Variants in ATP6V1H observed in about 807,000 individuals in gnomAD.
The protein encoded by ATP6V1H is V-type proton ATPase subunit H.
Under a neutral mutation model 71.7 loss-of-function variants are expected in ATP6V1H, and 39 were observed. That is an observed-to-expected ratio of 0.54 (90% confidence interval 0.42 to 0.71). The LOEUF is 0.71. Ranked by LOEUF, ATP6V1H falls within the 30% of genes least tolerant of loss-of-function variation. The pLI is 0.00. For synonymous variants in ATP6V1H, 192 were observed against 199.3 expected, an observed-to-expected ratio of 0.96 and a Z score of 0.31; for missense variants, 509 against 594.9, an observed-to-expected ratio of 0.86 and a Z score of 1.50.
chr8:53,767,429 A>G (rs1304479026), intron 11 of ATP6V1H, among the ~76,000 whole-genome samples: 2 of 152,240 alleles, frequency 1.3e-5, no homozygotes, highest in Non-Finnish European at 2.9e-5. Context: ...AGTAAAGTAT[A>G]TATTAGTAAT....
At chr8:53,788,167 GTTC>G (rs1343113398) in intron 9 of ATP6V1H, among the ~76,000 whole-genome samples, 1 of 152,090 alleles carries the variant, frequency 6.6e-6, no homozygotes, top group African/African-American at 2.4e-5. Flanking sequence ...GTCTAAAGAT[GTTC>G]TTCTTTCTGC....
chr8:53,756,226 A>G (rs1284941064), intron 12 of ATP6V1H: 1 of 152,044 alleles, frequency 6.6e-6, no homozygotes, highest in Non-Finnish European at 1.4e-5. Flanking sequence ...GCGTGCCACC[A>G]TGCCCAGTTA....
chr8:53,793,602 G>A (rs1021067714), intron 9 of ATP6V1H, among the ~76,000 whole-genome samples: 3 of 151,702 alleles, frequency 2.0e-5, no homozygotes, highest in African/African-American at 7.3e-5. Flanking sequence ...CTATGATCAC[G>A]CCACTCCACT....
chr8:53,796,642 C>G (rs1472099635), intron 8 of ATP6V1H, among the ~76,000 whole-genome samples: 1 of 152,022 alleles, frequency 6.6e-6, no homozygotes, highest in Non-Finnish European at 1.5e-5. Context: ...ATGTACAACA[C>G]AAAGAGTGAG....
intron 13 of ATP6V1H, among the ~76,000 whole-genome samples, chr8:53,741,268 A>G (rs964249346): frequency 6.6e-6 from 1 of 152,208 alleles, no homozygotes; most frequent in Non-Finnish European, 1.5e-5. Context: ...ATTCTCAACT[A>G]AAAAATTTCC....
chr8:53,753,685 T>C (rs756765300), intron 12 of ATP6V1H, among the ~76,000 whole-genome samples: 31 of 152,244 alleles, frequency 2.0e-4, no homozygotes, highest in African/African-American at 7.0e-4. Context: ...CTGTTTTTCA[T>C]ATTTAACACA....
chr8:53,822,199 A>G (rs1321273599), intron 4 of ATP6V1H, among the ~76,000 whole-genome samples: 1 of 152,210 alleles, frequency 6.6e-6, no homozygotes, highest in Non-Finnish European at 1.5e-5. Flanking sequence ...TTTAGAGACT[A>G]CTGTACACAT....
chr8:53,770,619 C>G (rs1373692328), intron 10 of ATP6V1H, among the ~76,000 whole-genome samples: 1 of 152,116 alleles, frequency 6.6e-6, no homozygotes, highest in African/African-American at 2.4e-5. Context: ...ATATTCATAT[C>G]CTAATCCTGT....
chr8:53,795,223 A>G (rs1052407305), intron 9 of ATP6V1H, among the ~76,000 whole-genome samples: 3 of 152,218 alleles, frequency 2.0e-5, no homozygotes, highest in Non-Finnish European at 4.4e-5. Context: ...GGATAACTTT[A>G]CTGTTTAAAT....
chr8:53,801,660 A>T (rs1809913206), intron 8 of ATP6V1H, 139 bp downstream of exon 8: 1 of 698,964 alleles, frequency 1.4e-6, no homozygotes, highest in Non-Finnish European at 2.3e-6. Flanking sequence ...ACTAACTTCT[A>T]AAAAGCTTAG....
Position 53,823,837 on chromosome 8 carries a change from T to C in ATP6V1H, c.306+5607A>G, listed in dbSNP as rs577025411. On this transcript the variant is annotated intron_variant, in intron 4 of 13. Coordinates refer to ENST00000359530, the MANE Select transcript of ATP6V1H (RefSeq NM_015941.4). ...TAAAATTCCCAGTTCAAAATGCTAG[T>C]AAAAGAACAAAGTAAACAACAAAAA... Among the ~76,000 whole-genome samples, 214 of 151,524 alleles carry C rather than the reference T, an allele frequency of 1.4e-3. 1 individual carries two copies. The highest frequency in any genetic ancestry group is 5.0e-3 in the African/African-American group (207 of 41,262).
chr8:53,842,047 T>A (rs557370551), intron 1 of ATP6V1H, among the ~76,000 whole-genome samples: 1 of 152,234 alleles, frequency 6.6e-6, no homozygotes, highest in South Asian at 2.1e-4. Flanking sequence ...ATGGGAAAAA[T>A]TGTAAATTTA....
chr8:53,764,360 C>T (rs180715866), intron 11 of ATP6V1H, among the ~76,000 whole-genome samples: 2 of 152,262 alleles, frequency 1.3e-5, no homozygotes, highest in Admixed American at 6.5e-5. Context: ...TCCGGGTATG[C>T]AAGGCTAGCG....
At chr8:53,798,474 T>C (rs890741439) in intron 8 of ATP6V1H, among the ~76,000 whole-genome samples, 4 of 151,920 alleles carry the variant, frequency 2.6e-5, no homozygotes. Context: ...TGAGCTGAGA[T>C]TGCACCACTG....
intron 9 of ATP6V1H, among the ~76,000 whole-genome samples, chr8:53,785,510 G>A (rs1056305430): frequency 9.2e-5 from 14 of 152,024 alleles, no homozygotes; most frequent in African/African-American, 3.4e-4. Flanking sequence ...GGAGTAGTTC[G>A]ATCTTCTGAA....
At chr8:53,783,631 G>A (rs1158318265) in intron 9 of ATP6V1H, among the ~76,000 whole-genome samples, 1 of 152,102 alleles carries the variant, frequency 6.6e-6, no homozygotes, top group Non-Finnish European at 1.5e-5. Flanking sequence ...TAATTGTGTT[G>A]TTAGGGTGTC....
At chr8:53,834,883 T>C (rs750564774) in intron 2 of ATP6V1H, among the ~76,000 whole-genome samples, 18 of 150,516 alleles carry the variant, frequency 1.2e-4, no homozygotes, top group Admixed American at 2.0e-4. Flanking sequence ...GGCTCATGCC[T>C]GTAATCCCAG....
At chr8:53,759,605 T>C (rs1226687361) in intron 11 of ATP6V1H, among the ~76,000 whole-genome samples, 1 of 152,258 alleles carries the variant, frequency 6.6e-6, no homozygotes, top group Non-Finnish European at 1.5e-5. Flanking sequence ...GAAAAGCATC[T>C]GTTCAAATCA....
At chr8:53,723,647 T>C (rs1408651672) in intron 13 of ATP6V1H, among the ~76,000 whole-genome samples, 1 of 152,188 alleles carries the variant, frequency 6.6e-6, no homozygotes, top group Non-Finnish European at 1.5e-5. Context: ...GGTGAGGATC[T>C]CCCTACCTGG....
Sources: gnomAD v4.1 joint callset for allele counts (sites outside exome capture counted in the v4.1 genomes callset) on GRCh38, gnomAD v4.1.1 for gene constraint, MANE v1.5 for transcripts, NCBI Gene and HGNC (gene_info 2026-07-23, HGNC 2026-07-21) for gene names.